The following NLGN4X variants were observed in gnomAD, a reference collection of about 807,000 sequenced individuals.
NLGN4X encodes the protein neuroligin-4, X-linked.
NLGN4X carries 3 observed loss-of-function variants against 40.3 expected under a neutral mutation model. The ratio of observed to expected loss-of-function variants is 0.07; its 90% CI spans 0.03 to 0.19. The LOEUF is 0.19. Among genes scored for constraint, NLGN4X ranks in the 10% least tolerant of loss-of-function variants. The pLI is 1.00. For missense variants in NLGN4X, 382 were observed against 708.3 expected (o/e 0.54, Z 5.23); for synonymous variants, 270 against 306.8 (o/e 0.88, Z 1.25).
intron 2 of NLGN4X, among the ~76,000 whole-genome samples, chrX:6,102,643 T>TATACATACATACATAC (rs60184331): frequency 0.055 from 5,748 of 104,335 alleles, 143 homozygotes; most frequent in Admixed American, 0.081. Context: ...TTGATAGATA[T>TATACATACATACATAC]ATACATACAT....
At chrX:6,114,262 G>C (rs1028152805) in intron 2 of NLGN4X, among the ~76,000 whole-genome samples, 1 of 111,710 alleles carries the variant, frequency 9.0e-6, no homozygotes, top group Admixed American at 9.6e-5. Flanking sequence ...TGAAGGAAAA[G>C]ACTTAGTAGG....
intron 3 of NLGN4X, among the ~76,000 whole-genome samples, chrX:5,914,766 A>G (rs983886895): frequency 8.0e-5 from 9 of 112,009 alleles, no homozygotes; most frequent in African/African-American, 2.9e-4. Context: ...CAGTGAGAAT[A>G]AACAGAATTT....
chrX:6,193,079 A>G (rs1279539401), intron 1 of NLGN4X, among the ~76,000 whole-genome samples: 1 of 111,672 alleles, frequency 9.0e-6, no homozygotes, highest in Admixed American at 9.5e-5. Context: ...GCCAATAACT[A>G]TTCCTGATAC....
At chrX:6,053,782 G>A (rs774444773) in intron 2 of NLGN4X, among the ~76,000 whole-genome samples, 1 of 112,237 alleles carries the variant, frequency 8.9e-6, no homozygotes, top group Admixed American at 9.4e-5. Context: ...AAATTTTTGA[G>A]CTAACTAAGC....
chrX:5,919,834 G>C (rs2032960620), intron 3 of NLGN4X, among the ~76,000 whole-genome samples: 1 of 111,799 alleles, frequency 8.9e-6, no homozygotes, highest in African/African-American at 3.3e-5. Flanking sequence ...CTGCTCTGCA[G>C]GTTGCCTGAC....
At chrX:6,084,343 T>C (rs779265653) in intron 2 of NLGN4X, among the ~76,000 whole-genome samples, 4 of 111,268 alleles carry the variant, frequency 3.6e-5, no homozygotes, top group African/African-American at 1.3e-4. Context: ...GAGAAAAATA[T>C]GTCATAACTC....
intron 3 of NLGN4X, among the ~76,000 whole-genome samples, chrX:5,933,290 C>T (rs2033619380): frequency 9.0e-6 from 1 of 110,829 alleles, no homozygotes; most frequent in South Asian, 3.8e-4. Context: ...TTCTATTTGG[C>T]TAAAATGGGT....
intron 5 of NLGN4X, among the ~76,000 whole-genome samples, chrX:5,896,397 C>G (rs2031496050): frequency 9.0e-6 from 1 of 111,673 alleles, no homozygotes; most frequent in Non-Finnish European, 1.9e-5. Context: ...ACCAAACCCT[C>G]CAGACAGTGA....
At chrX:6,102,145 TTTGA>T (rs1462453823) in intron 2 of NLGN4X, among the ~76,000 whole-genome samples, 1 of 111,514 alleles carries the variant, frequency 9.0e-6, no homozygotes, top group East Asian at 2.8e-4. Flanking sequence ...AATAATATAA[TTTGA>T]TTGTTTGTAA....
chrX:5,972,483 A>G (rs1302298592), intron 3 of NLGN4X, among the ~76,000 whole-genome samples: 1 of 111,393 alleles, frequency 9.0e-6, no homozygotes, highest in African/African-American at 3.3e-5. Context: ...TTCACTAAGA[A>G]ACAATCAAAA....
intron 1 of NLGN4X, among the ~76,000 whole-genome samples, chrX:6,192,245 A>C (rs1047862581): frequency 2.7e-5 from 3 of 111,004 alleles, no homozygotes; most frequent in African/African-American, 9.9e-5. Context: ...CTCCCACCTC[A>C]GCCTCCCAAG....
intron 2 of NLGN4X, among the ~76,000 whole-genome samples, chrX:6,091,741 C>T (rs764357183): frequency 8.9e-6 from 1 of 111,997 alleles, no homozygotes; most frequent in African/African-American, 3.2e-5. Flanking sequence ...TCTCACAGAT[C>T]TGTATTACAG....
intron 2 of NLGN4X, among the ~76,000 whole-genome samples, chrX:6,060,646 G>A (rs2037745914): frequency 9.0e-6 from 1 of 111,624 alleles, no homozygotes; most frequent in Non-Finnish European, 1.9e-5. Context: ...CATCTTCACT[G>A]TTAGAATATG....
chrX:5,916,827 G>A (rs983945322), intron 3 of NLGN4X, among the ~76,000 whole-genome samples: 2 of 111,805 alleles, frequency 1.8e-5, no homozygotes, highest in Admixed American at 1.9e-4. Flanking sequence ...GTGACTATAG[G>A]GAATATTCAC....
intron 3 of NLGN4X, among the ~76,000 whole-genome samples, chrX:5,978,451 T>C (rs748886622): frequency 2.8e-4 from 31 of 110,012 alleles, no homozygotes; most frequent in Non-Finnish European, 4.9e-4. Context: ...TCACACAAAC[T>C]AGTGGAAAAT....
chrX:6,101,637 T>C (rs1321734531), intron 2 of NLGN4X, among the ~76,000 whole-genome samples: 1 of 110,096 alleles, frequency 9.1e-6, no homozygotes, highest in Non-Finnish European at 1.9e-5. Flanking sequence ...CTCATGTGCA[T>C]AGAGAGTCAA....
intron 3 of NLGN4X, among the ~76,000 whole-genome samples, chrX:5,926,826 G>A (rs868529362): frequency 5.7e-4 from 47 of 81,957 alleles, no homozygotes; most frequent in Non-Finnish European, 9.6e-4. Flanking sequence ...ACACACACAC[G>A]TTCTTATAGA....
chrX:6,042,710 T>TAC (rs1346743128), intron 2 of NLGN4X, among the ~76,000 whole-genome samples: 1 of 35,490 alleles, frequency 2.8e-5, no homozygotes, highest in Non-Finnish European at 5.3e-5. Flanking sequence ...TATATATATA[T>TAC]ATATATATAT....
chrX:5,962,253 C>G (rs2034685716), intron 3 of NLGN4X, among the ~76,000 whole-genome samples: 1 of 112,069 alleles, frequency 8.9e-6, no homozygotes, highest in Admixed American at 9.4e-5. Flanking sequence ...CCTGCAGTCT[C>G]AAAACATACT....
Sources: allele counts gnomAD v4.1 joint callset (sites outside exome capture counted in the v4.1 genomes callset), GRCh38; gene constraint gnomAD v4.1.1; transcripts MANE v1.5; gene names NCBI Gene and HGNC (gene_info 2026-07-23, HGNC 2026-07-21).